Variants in SLC6A4 observed in about 807,000 individuals in gnomAD.
The protein encoded by SLC6A4 is solute carrier family 6 member 4.
In SLC6A4, 22 loss-of-function variants were observed where a neutral mutation model predicts 73.4. That is an observed-to-expected ratio of 0.30 (90% CI 0.21 to 0.43). SLC6A4 has a LOEUF of 0.43. Ranked by LOEUF, SLC6A4 falls within the 20% of genes least tolerant of loss-of-function variation. The probability of loss-of-function intolerance (pLI) is 1.00; values close to 1 mark genes in which losing one functional copy is unlikely to be tolerated. For synonymous variants in SLC6A4, 270 were observed against 315.5 expected, an observed-to-expected ratio of 0.86 and a Z score of 1.53; for missense variants, 593 against 808.5, an observed-to-expected ratio of 0.73 and a Z score of 3.23.
chr17:30,217,940 G>A (rs558184272), intron 5 of SLC6A4, among the ~76,000 whole-genome samples, 178 bp downstream of exon 5: 1 of 152,276 alleles, frequency 6.6e-6, no homozygotes, highest in African/African-American at 2.4e-5. Context: ...GCAGGGCCAG[G>A]CCGTGGAGCA....
chr17:30,222,379 C>G (rs961379709), intron 2 of SLC6A4, among the ~76,000 whole-genome samples: 2 of 152,218 alleles, frequency 1.3e-5, no homozygotes, highest in African/African-American at 4.8e-5. Context: ...ACTCGCTTCC[C>G]TTTGAGCCAC....
chr17:30,200,123 G>A (rs1470879190), intron 14 of SLC6A4, among the ~76,000 whole-genome samples: 1 of 152,246 alleles, frequency 6.6e-6, no homozygotes, highest in Non-Finnish European at 1.5e-5. Flanking sequence ...AGATCACCGA[G>A]GTGTTTGGTG....
chr17:30,216,897 G>A (rs1020266999), intron 6 of SLC6A4, among the ~76,000 whole-genome samples: 2 of 151,778 alleles, frequency 1.3e-5, no homozygotes. Flanking sequence ...ATGAGGTTTC[G>A]ATGTGTTGGC....
At chr17:30,205,639 C>A (rs1021447955) in intron 13 of SLC6A4, among the ~76,000 whole-genome samples, 7 of 152,170 alleles carry the variant, frequency 4.6e-5, no homozygotes, top group Non-Finnish European at 1.0e-4. Context: ...ATCTCAGGAG[C>A]CCAGAGCTTG....
intron 5 of SLC6A4, 146 bp from the exon 6 acceptor site, chr17:30,217,450 G>A: frequency 1.3e-6 from 1 of 745,870 alleles, no homozygotes; most frequent in Non-Finnish European, 2.1e-6. Context: ...GAAGAGCTGG[G>A]ATTGGCCCTG....
At chr17:30,216,982 G>A (rs576145632) in intron 6 of SLC6A4, among the ~76,000 whole-genome samples, 184 bp downstream of exon 6, 2 of 152,280 alleles carry the variant, frequency 1.3e-5, no homozygotes, top group East Asian at 3.9e-4. Context: ...TTAGAGACGT[G>A]AGCCACCATG....
intron 12 of SLC6A4, among the ~76,000 whole-genome samples, chr17:30,208,677 T>C (rs887807956): frequency 5.9e-5 from 9 of 152,098 alleles, no homozygotes; most frequent in Non-Finnish European, 8.8e-5. Flanking sequence ...AAGTGGTTTA[T>C]TTTTGTTTGT....
chr17:30,198,443 C>T lies in SLC6A4; in HGVS notation c.*13G>A. The T allele has an allele frequency of 6.5e-7, 1 of 1,549,128 alleles. No homozygotes were observed. Among genetic ancestry groups the T allele is most frequent in the South Asian group, 1.1e-5 (1 of 88,280 alleles). On this transcript the variant is annotated 3_prime_UTR_variant, in exon 15 of 15. Transcript: ENST00000650711. ...GAGGTTGTGGAGAAGCCTTTTTCCT[C>T]TCGGTGAGTGTGTTACACAGCATTC...
intron 7 of SLC6A4, 88 bp downstream of exon 7, chr17:30,215,994 C>G (rs778691445): frequency 2.5e-6 from 3 of 1,202,704 alleles, no homozygotes; most frequent in Non-Finnish European, 3.6e-6. Context: ...AGCCACATTT[C>G]AGTTGTCCCT....
Position 30,194,606 on chromosome 17 carries a change from C to A in SLC6A4, c.*3850G>T, listed in dbSNP as rs200674719. ...TTTAAAATATGAATTTTTAATATATCATTTTCTTAAGATAAAGTACACCTT... is the reference window on the plus strand; with the variant it reads ...TTTAAAATATGAATTTTTAATATATAATTTTCTTAAGATAAAGTACACCTT... On this transcript the variant is annotated 3_prime_UTR_variant, in exon 15 of 15. Transcript: ENST00000650711. 5 of 152,184 alleles carry A rather than the reference C, an allele frequency of 3.3e-5. No homozygotes were observed. The highest frequency in any genetic ancestry group is 3.9e-4 in the East Asian group (2 of 5,188). The allele number at this position is 152,184 out of a possible 1,614,324, so 9.4% of individuals were successfully genotyped here.
intron 6 of SLC6A4, among the ~76,000 whole-genome samples, chr17:30,216,612 A>G (rs1906583474): frequency 2.0e-5 from 3 of 152,126 alleles, no homozygotes; most frequent in African/African-American, 7.2e-5. Flanking sequence ...AATCTTGAAA[A>G]AAAAAAATCA....
At chr17:30,222,631 AG>A in intron 2 of SLC6A4, among the ~76,000 whole-genome samples, 187 bp downstream of exon 2, 1 of 152,236 alleles carries the variant, frequency 6.6e-6, no homozygotes, top group East Asian at 1.9e-4. Context: ...AGAGGTAAAA[AG>A]GCCACCCTTC....
intron 8 of SLC6A4, among the ~76,000 whole-genome samples, chr17:30,214,709 C>G (rs1434240755): frequency 6.7e-6 from 1 of 149,504 alleles, no homozygotes; most frequent in Non-Finnish European, 1.5e-5. Context: ...CTCGGCTCAC[C>G]GCAAACTCCA....
At chr17:30,231,688 AT>A (rs1415526368) in intron 1 of SLC6A4, among the ~76,000 whole-genome samples, 1 of 152,074 alleles carries the variant, frequency 6.6e-6, no homozygotes, top group African/African-American at 2.4e-5. Context: ...TCAGTTGAAA[AT>A]TTTCAAAAGA....
chr17:30,212,917 G>A, intron 8 of SLC6A4, 50 bp from the exon 9 acceptor site: 2 of 1,604,542 alleles, frequency 1.2e-6, no homozygotes, highest in South Asian at 1.1e-5. Flanking sequence ...AAGATCAGGG[G>A]TCTAAGGAGC....
rs1483597826 is a variant in SLC6A4, at chr17:30,203,195, T to C, written c.1795A>G (p.Ile599Val). 1.2e-6 allele frequency: 2 copies of C among 1,613,830 alleles called. No homozygotes were observed. The highest frequency in any genetic ancestry group is 1.7e-6 in the Non-Finnish European group (2 of 1,179,830). Residue 599 changes from isoleucine (I) to valine (V), a missense_variant, in exon 14 of 15, where the codon ATC (isoleucine) becomes GTC (valine). Physicochemically the swap from Ile to Val is conservative, Grantham distance 29. Coordinates refer to ENST00000650711, the MANE Select transcript of SLC6A4 (RefSeq NM_001045.6). ...ACCTCTTTAAATGTCCCTGGAGTGA[T>C]GATCAACCGATAAGCTATATATGTG... The part of the protein sequence containing the change: ...IPTYIAYRLI[I>V]TPGTFKERII...
At chr17:30,213,102 C>A (rs947823732) in intron 8 of SLC6A4, among the ~76,000 whole-genome samples, 1 of 152,150 alleles carries the variant, frequency 6.6e-6, no homozygotes, top group Non-Finnish European at 1.5e-5. Flanking sequence ...GGGAGAAGAG[C>A]AGTCAGGGGT....
chr17:30,204,766 C>T (rs1484450115), intron 13 of SLC6A4, among the ~76,000 whole-genome samples: 1 of 152,196 alleles, frequency 6.6e-6, no homozygotes, highest in East Asian at 1.9e-4. Context: ...AAGTGGAAGA[C>T]AGATTTGCCT....
chr17:30,221,188 G>A (rs1906736858), intron 3 of SLC6A4, among the ~76,000 whole-genome samples: 1 of 151,658 alleles, frequency 6.6e-6, no homozygotes. Flanking sequence ...TGTTGGTCAG[G>A]CTGGTCTTGA....
Sources: gnomAD v4.1 joint callset for allele counts (sites outside exome capture counted in the v4.1 genomes callset) on GRCh38, gnomAD v4.1.1 for gene constraint, MANE v1.5 for transcripts, NCBI Gene and HGNC (gene_info 2026-07-23, HGNC 2026-07-21) for gene names.